The following OVCH1 variants were observed in gnomAD, a reference collection of about 807,000 sequenced individuals.
OVCH1 encodes the protein ovochymase 1.
OVCH1 carries 139 observed loss-of-function variants against 138.4 expected under a neutral mutation model. The ratio of observed to expected loss-of-function variants is 1.00; its 90% CI spans 0.87 to 1.16. The LOEUF (loss-of-function observed/expected upper bound fraction) is 1.16, where lower values mean the gene tolerates loss of function less well. OVCH1 is among the 50% of genes most tolerant of loss of function. The pLI is 0.00. For synonymous variants in OVCH1, 453 were observed against 467.8 expected (o/e 0.97, Z 0.41); for missense variants, 1,367 against 1,357.9 (o/e 1.01, Z -0.11).
downstream of OVCH1, among the ~76,000 whole-genome samples, chr12:29,427,038 G>T (rs1289807325): frequency 1.3e-5 from 2 of 152,146 alleles, no homozygotes; most frequent in Admixed American, 1.3e-4. Flanking sequence ...TTACTCCCCT[G>T]TCAAAACTTA....
chr12:29,457,506 C>G (rs11050238), intron 19 of OVCH1, among the ~76,000 whole-genome samples: 1 of 131,286 alleles, frequency 7.6e-6, no homozygotes, highest in Non-Finnish European at 1.5e-5. Context: ...TGGTTTCAAG[C>G]GATTTTCCTG....
At chr12:29,431,360 C>A (rs930046649) in intron 27 of OVCH1, among the ~76,000 whole-genome samples, 1 of 152,006 alleles carries the variant, frequency 6.6e-6, no homozygotes, top group African/African-American at 2.4e-5. Context: ...TTCACTTGAG[C>A]CTGGGAGGTT....
At chr12:29,484,492 A>G (rs1943031093) in intron 8 of OVCH1, among the ~76,000 whole-genome samples, 1 of 152,210 alleles carries the variant, frequency 6.6e-6, no homozygotes, top group Non-Finnish European at 1.5e-5. Flanking sequence ...GATACCAGAT[A>G]AAAATGCCAA....
chr12:29,495,360 G>A (rs759335307), exon 4 of OVCH1: 18 of 1,613,118 alleles, frequency 1.1e-5, no homozygotes, highest in Non-Finnish European at 1.5e-5. Flanking sequence ...TATTCAGGAT[G>A]GGTAATAATT....
chr12:29,435,605 C>T (rs1225850346), intron 26 of OVCH1, among the ~76,000 whole-genome samples: 5 of 152,126 alleles, frequency 3.3e-5, no homozygotes, highest in South Asian at 2.1e-4. Flanking sequence ...CCGCCCACCT[C>T]GGCCTCCCAA....
chr12:29,442,400 C>T (rs1264991249), intron 25 of OVCH1, among the ~76,000 whole-genome samples: 2 of 131,730 alleles, frequency 1.5e-5, no homozygotes, highest in Admixed American at 8.5e-5. Flanking sequence ...CATATTCTCA[C>T]TCTTAGGTGG....
At chr12:29,488,462 CA>C (rs1398517545) in intron 6 of OVCH1, among the ~76,000 whole-genome samples, 3 of 151,220 alleles carry the variant, frequency 2.0e-5, no homozygotes, top group Non-Finnish European at 2.9e-5. Context: ...ATTAAAAATA[CA>C]AAAAAATTAG....
At chr12:29,475,226 A>G (rs1324497273) in intron 13 of OVCH1, 37 bp from the exon 14 acceptor site, 3 of 1,362,914 alleles carry the variant, frequency 2.2e-6, no homozygotes, top group Middle Eastern at 5.3e-4. Flanking sequence ...TTATAGTTAT[A>G]TTTTTAAAAA....
At chr12:29,421,827 T>A (rs540554649) in intron 3 of OVCH1, among the ~76,000 whole-genome samples, 1 of 152,166 alleles carries the variant, frequency 6.6e-6, no homozygotes, top group Admixed American at 6.5e-5. Flanking sequence ...GGATATGTGC[T>A]TATTTATATA....
chr12:29,491,244 T>C (rs1408458836), intron 4 of OVCH1, 52 bp from the exon 5 acceptor site: 3 of 1,410,936 alleles, frequency 2.1e-6, no homozygotes, highest in Admixed American at 1.8e-5. Context: ...CCATGTTGAA[T>C]ATATTTGGAA....
intron 8 of OVCH1, among the ~76,000 whole-genome samples, chr12:29,480,489 C>T (rs965839645): frequency 6.6e-6 from 1 of 152,210 alleles, no homozygotes; most frequent in Non-Finnish European, 1.5e-5. Flanking sequence ...TCTATGCCAA[C>T]TTTGATTTAT....
chr12:29,421,779 A>G (rs2135886607), intron 3 of OVCH1, among the ~76,000 whole-genome samples: 1 of 152,310 alleles, frequency 6.6e-6, no homozygotes, highest in African/African-American at 2.4e-5. Context: ...GTTTTTAAGT[A>G]TGAATTTTCT....
intron 19 of OVCH1, among the ~76,000 whole-genome samples, chr12:29,460,514 T>C (rs558073123): frequency 2.0e-5 from 3 of 152,186 alleles, no homozygotes; most frequent in South Asian, 4.2e-4. Flanking sequence ...CACTCTCCAC[T>C]ACACCCAGGA....
Position 29,466,000 on chromosome 12 carries a change from A to C in OVCH1, c.1857-781T>G, listed in dbSNP as rs920643076. ...TTCTCAGCAAACTATCGCAAGGGCA[A>C]AAAACCAGACACCGCATGTTCTCAC... On this transcript the variant is annotated intron_variant, in intron 16 of 27. Transcript: ENST00000318184. Among the ~76,000 whole-genome samples, 7 of 151,506 alleles carry C rather than the reference A, an allele frequency of 4.6e-5. No homozygotes were observed. The East Asian group carries it at 1.4e-3, about 30-fold the overall frequency.
At chr12:29,460,526 G>A (rs1942096407) in intron 19 of OVCH1, among the ~76,000 whole-genome samples, 1 of 152,096 alleles carries the variant, frequency 6.6e-6, no homozygotes, top group South Asian at 2.1e-4. Flanking sequence ...CACCCAGGAG[G>A]CAACCCTAAA....
At chr12:29,431,613 T>C (rs1009642547) in intron 27 of OVCH1, among the ~76,000 whole-genome samples, 1 of 152,166 alleles carries the variant, frequency 6.6e-6, no homozygotes, top group Non-Finnish European at 1.5e-5. Flanking sequence ...ACTAACTACC[T>C]CATATAAATT....
In OVCH1 at chr12:29,439,240, CTTTAT is replaced by C. The variant is rs368242813; in HGVS notation, c.3264+83_3264+87del. 548 of 1,238,834 alleles carry C rather than the reference CTTTAT, an allele frequency of 4.4e-4. 3 individuals are homozygous for C. Among genetic ancestry groups the C allele is most frequent in the South Asian group, 3.4e-3 (120 of 35,670 alleles). 76.7% of individuals were successfully genotyped at this position (1,238,834 alleles called of 1,614,324 possible). A position where few individuals can be genotyped will look rare whatever the true frequency, so the allele number is the denominator to read the frequency against. ...CCTTTAGAAGCTCAAAGTCCTTTTC[CTTTAT>C]TTTGTCACTTCTCTTATTTATTGTT... On this transcript the variant is annotated intron_variant, in intron 26 of 27. Transcript: ENST00000318184.
exon 22 of OVCH1, chr12:29,451,359 T>A: frequency 6.2e-7 from 1 of 1,612,466 alleles, no homozygotes; most frequent in Non-Finnish European, 8.5e-7. Context: ...CGTCTTTCTC[T>A]TACTGTGTCT....
chr12:29,460,425 T>C (rs376275785), intron 19 of OVCH1, among the ~76,000 whole-genome samples: 1 of 152,334 alleles, frequency 6.6e-6, no homozygotes, highest in East Asian at 1.9e-4. Flanking sequence ...TTATGTACTC[T>C]AGCAGACAGC....
Sources: gnomAD v4.1 joint callset for allele counts (sites outside exome capture counted in the v4.1 genomes callset) on GRCh38, gnomAD v4.1.1 for gene constraint, MANE v1.5 for transcripts, NCBI Gene and HGNC (gene_info 2026-07-23, HGNC 2026-07-21) for gene names.